ALDH3B2: variants seen among roughly 807,000 people sequenced by gnomAD.
The protein encoded by ALDH3B2 is aldehyde dehydrogenase family 3 member B2.
A neutral mutation model predicts 36.7 loss-of-function variants in ALDH3B2; 45 were observed. The observed-to-expected ratio is 1.23, with a 90% CI of 0.97 to 1.57. The LOEUF is 1.57. Among genes scored for constraint, ALDH3B2 ranks in the 40% most tolerant of loss-of-function variants. The pLI is 0.00. For synonymous variants in ALDH3B2, 217 were observed against 226.5 expected, an observed-to-expected ratio of 0.96 and a Z score of 0.38; for missense variants, 464 against 513.3, an observed-to-expected ratio of 0.90 and a Z score of 0.93.
rs1365483100 is a variant in ALDH3B2, at chr11:67,665,797, A to G, written c.320-126T>C. ...CGGGCTTCCTAGGGACATGGTGAGG[A>G]GACCCCATCCTCAACTGGCCTTGAC... On this transcript the variant is annotated intron_variant, in intron 6 of 9. Coordinates refer to ENST00000349015, the Ensembl canonical transcript of ALDH3B2. 3.6e-6 allele frequency: 5 copies of G among 1,400,630 alleles called. No individual in the cohort carries two copies. The East Asian group carries it at 6.9e-5, about 19-fold the overall frequency. The allele number at this position is 1,400,630 out of a possible 1,614,324, so 86.8% of individuals were successfully genotyped here.
intron 1 of ALDH3B2, among the ~76,000 whole-genome samples, chr11:67,672,219 C>T (rs1856148655): frequency 1.4e-5 from 2 of 148,038 alleles, no homozygotes; most frequent in African/African-American, 5.0e-5. Flanking sequence ...GGGATCTCAG[C>T]TCACTGCAAT....
chr11:67,666,763 G>T, intron 3 of ALDH3B2, 69 bp from the exon 4 acceptor site: 1 of 1,609,472 alleles, frequency 6.2e-7, no homozygotes, highest in South Asian at 1.1e-5. Context: ...GCACACTTGG[G>T]GCCTCAGCTC....
At chr11:67,668,216 G>T (rs757125489) in intron 1 of ALDH3B2, among the ~76,000 whole-genome samples, 1 of 152,216 alleles carries the variant, frequency 6.6e-6, no homozygotes, top group Admixed American at 6.5e-5. Flanking sequence ...CTCTGGGGAG[G>T]GGGTGGCACT....
At chr11:67,663,031 C>T in exon 10 of ALDH3B2, 2 of 753,182 alleles carry the variant, frequency 2.7e-6, no homozygotes, top group Admixed American at 5.3e-5. Context: ...CGAGCAGCGT[C>T]CCCCAGATAG....
intron 1 of ALDH3B2, among the ~76,000 whole-genome samples, chr11:67,668,425 A>G (rs929597613): frequency 6.6e-6 from 1 of 152,048 alleles, no homozygotes; most frequent in Non-Finnish European, 1.5e-5. Context: ...GGGGTGGGGG[A>G]AGGGGCTCAG....
exon 7 of ALDH3B2, chr11:67,665,566 C>T (rs1381565790): frequency 1.2e-6 from 2 of 1,614,114 alleles, no homozygotes; most frequent in South Asian, 2.2e-5. Context: ...CTGGGGGTCG[C>T]AGTTGTCGTC....
rs1855804857 is a variant in ALDH3B2, at chr11:67,663,361, A to AG, written c.1011dup (p.Phe338LeufsTer63). On this transcript the variant is annotated frameshift_variant, in exon 10 of 10. Coordinates refer to ENST00000349015, the Ensembl canonical transcript of ALDH3B2. LOFTEE classifies it low-confidence loss of function (END_TRUNC). Reference sequence around the variant, plus strand: ...GTGCGGTGGTGGGAGAAGGTGTCGAAGGTGAACTTGCCGTGGTACCGGCCC... The same window carrying AG: ...GTGCGGTGGTGGGAGAAGGTGTCGAAGGGTGAACTTGCCGTGGTACCGGCCC... 5 of 1,613,878 alleles carry AG rather than the reference A, an allele frequency of 3.1e-6. No individual in the cohort carries two copies. The highest frequency in any genetic ancestry group is 4.2e-6 in the Non-Finnish European group (5 of 1,179,922).
exon 9 of ALDH3B2, chr11:67,663,753 G>A: frequency 2.5e-6 from 4 of 1,611,266 alleles, no homozygotes; most frequent in Non-Finnish European, 3.4e-6. Context: ...CCAGCATCTG[G>A]TTCACAACCT....
exon 7 of ALDH3B2, chr11:67,665,544 G>A (rs1192994029): frequency 1.2e-6 from 2 of 1,614,134 alleles, no homozygotes; most frequent in Non-Finnish European, 1.7e-6. Context: ...AGGCCACGCG[G>A]TTGGCCACGG....
intron 1 of ALDH3B2, among the ~76,000 whole-genome samples, chr11:67,672,307 C>T (rs1219212735): frequency 1.3e-5 from 2 of 151,320 alleles, no homozygotes; most frequent in African/African-American, 4.9e-5. Flanking sequence ...AGGTGCCTGC[C>T]ACCATGCCCG....
intron 1 of ALDH3B2, among the ~76,000 whole-genome samples, chr11:67,669,782 G>C (rs1856039275): frequency 7.4e-6 from 1 of 135,332 alleles, no homozygotes; most frequent in African/African-American, 2.9e-5. Context: ...ATGGGTGTCT[G>C]TGTGTGTATG....
chr11:67,674,086 C>A (rs968113682), intron 1 of ALDH3B2, among the ~76,000 whole-genome samples: 4 of 152,222 alleles, frequency 2.6e-5, no homozygotes, highest in African/African-American at 7.2e-5. Context: ...CCGACCCAAT[C>A]CTTGTCTGTC....
At chr11:67,680,310 T>A (rs1856347147) in intron 1 of ALDH3B2, among the ~76,000 whole-genome samples, 1 of 152,150 alleles carries the variant, frequency 6.6e-6, no homozygotes, top group African/African-American at 2.4e-5. Context: ...TGAGACTCCA[T>A]CTCAAGAAAA....
chr11:67,664,637 CA>C, intron 7 of ALDH3B2, 75 bp from the exon 8 acceptor site: 8 of 1,568,686 alleles, frequency 5.1e-6, no homozygotes, highest in Non-Finnish European at 6.9e-6. Context: ...GAGGTGGGGA[CA>C]GGGGCATGGG....
chr11:67,674,445 G>A (rs746959787), exon 1 of ALDH3B2: 3 of 153,460 alleles, frequency 2.0e-5, no homozygotes, highest in Non-Finnish European at 4.3e-5. Context: ...ACCCAGCGTG[G>A]GCTCTGCCCC....
chr11:67,663,189 T>C, exon 10 of ALDH3B2: 1 of 1,580,186 alleles, frequency 6.3e-7, no homozygotes, highest in Non-Finnish European at 8.6e-7. Flanking sequence ...TTTCTCTGTG[T>C]GACCCGTTGG....
chr11:67,671,244 C>T (rs1856101404), intron 1 of ALDH3B2: 1 of 152,300 alleles, frequency 6.6e-6, no homozygotes, highest in South Asian at 2.1e-4. Context: ...GGAACCCCTG[C>T]CCTTTCTGGG....
chr11:67,680,439 G>C (rs1199161926), intron 1 of ALDH3B2, among the ~76,000 whole-genome samples: 1 of 152,142 alleles, frequency 6.6e-6, no homozygotes, highest in Non-Finnish European at 1.5e-5. Context: ...CATTATGATT[G>C]AGACAGAGTA....
Position 67,664,520 on chromosome 11 carries a change from A to T in ALDH3B2, c.749T>A (p.Met250Lys), listed in dbSNP as rs1366741881. Residue 250 changes from methionine (M) to lysine (K), a missense_variant, in exon 8 of 10, where the codon ATG becomes AAG. By Grantham distance (95) the Met-to-Lys change is moderately conservative. Coordinates refer to ENST00000349015, the Ensembl canonical transcript of ALDH3B2. ...GATGGGCCCGAAGATCTCCTCCTGC[A>T]TCACAGGCTCCGTCTCCTGCACGTC... is the stretch of plus-strand genomic sequence containing the variant. The T allele has an allele frequency of 1.9e-6, 3 of 1,613,796 alleles. No homozygotes were observed. In the African/African-American group the frequency reaches 4.0e-5, roughly 22 times the overall value.
Sources: gnomAD v4.1 joint callset for allele counts (sites outside exome capture counted in the v4.1 genomes callset) on GRCh38, gnomAD v4.1.1 for gene constraint, MANE v1.5 for transcripts, NCBI Gene and HGNC (gene_info 2026-07-23, HGNC 2026-07-21) for gene names.